The following AFG2B variants were observed in gnomAD, a reference collection of about 807,000 sequenced individuals.
AFG2B encodes the protein ATPase family gene 2 protein homolog B.
chr15:45,417,316 A>T, the AFG2B span: 12 of 1,614,118 alleles, frequency 7.4e-6, no homozygotes, highest in Non-Finnish European at 2.5e-6. Flanking sequence ...TGCAGCAACA[A>T]ATAGACCTGA....
At chr15:45,420,001 A>ACCCCCCC in the AFG2B span, among the ~76,000 whole-genome samples, 18 of 84,622 alleles carry the variant, frequency 2.1e-4, no homozygotes, top group Non-Finnish European at 3.0e-4. Context: ...CCCCCCCAAA[A>ACCCCCCC]AAAAAAAAAA....
At chr15:45,419,029 G>C in the AFG2B span, among the ~76,000 whole-genome samples, 2 of 152,192 alleles carry the variant, frequency 1.3e-5, no homozygotes, top group African/African-American at 4.8e-5. Context: ...GACAAATCGG[G>C]AGTTAGCCAG....
the AFG2B span, chr15:45,407,224 G>A: frequency 8.3e-7 from 1 of 1,203,130 alleles, no homozygotes; most frequent in East Asian, 5.8e-5. Flanking sequence ...AACTGGGAAG[G>A]TACTGGCTCC....
chr15:45,410,721 A>G, the AFG2B span, among the ~76,000 whole-genome samples: 2 of 152,082 alleles, frequency 1.3e-5, no homozygotes, highest in African/African-American at 4.8e-5. Context: ...GGTTTTTATA[A>G]TTTCCCACCT....
At chr15:45,412,426 CG>C in the AFG2B span, among the ~76,000 whole-genome samples, 1 of 151,728 alleles carries the variant, frequency 6.6e-6, no homozygotes, top group African/African-American at 2.4e-5. Context: ...TAATCTAAAA[CG>C]GGGGTCAACA....
At chr15:45,420,924 G>A in the AFG2B span, 25 of 944,586 alleles carry the variant, frequency 2.6e-5, no homozygotes, top group South Asian at 5.1e-5. Context: ...ACCAGAAGAC[G>A]GAGGTTGCAG....
chr15:45,405,931 TTC>T, the AFG2B span, among the ~76,000 whole-genome samples: 1 of 152,160 alleles, frequency 6.6e-6, no homozygotes, highest in African/African-American at 2.4e-5. Flanking sequence ...TGCTTTATCA[TTC>T]TCTCTTCATG....
chr15:45,402,595 T>C, the AFG2B span: 4 of 1,571,360 alleles, frequency 2.5e-6, no homozygotes, highest in African/African-American at 4.1e-5. Context: ...CGACGGCGGC[T>C]CCTGCCTCTG....
the AFG2B span, chr15:45,405,184 C>T: frequency 2.6e-6 from 2 of 772,908 alleles, no homozygotes; most frequent in East Asian, 2.7e-5. Flanking sequence ...TGTCTTCATC[C>T]CCTCACCCCC....
At chr15:45,420,576 A>C in the AFG2B span, among the ~76,000 whole-genome samples, 1 of 152,138 alleles carries the variant, frequency 6.6e-6, no homozygotes, top group Non-Finnish European at 1.5e-5. Flanking sequence ...TGCAAAGTGG[A>C]TTTCTAATCA....
chr15:45,415,953 T>A, the AFG2B span: 1 of 532,604 alleles, frequency 1.9e-6, no homozygotes, highest in Non-Finnish European at 3.1e-6. Flanking sequence ...TTAGAGCTAA[T>A]AAAAATTGTG....
the AFG2B span, chr15:45,403,284 C>T: frequency 2.5e-6 from 4 of 1,588,020 alleles, no homozygotes; most frequent in African/African-American, 4.1e-5. Context: ...TGCGGCGGGT[C>T]TTCCAGCGCG....
the AFG2B span, chr15:45,417,102 TGG>T: frequency 1.4e-6 from 1 of 697,138 alleles, no homozygotes; most frequent in East Asian, 2.9e-5. Flanking sequence ...GATTTGTTTC[TGG>T]GATATCTTGA....
the AFG2B span, chr15:45,403,042 CT>C: frequency 6.4e-7 from 1 of 1,564,720 alleles, no homozygotes. Context: ...CCTGGGAGGT[CT>C]TTCGGAGGCG....
chr15:45,405,499 T>A, the AFG2B span: 1 of 1,612,950 alleles, frequency 6.2e-7, no homozygotes, highest in Non-Finnish European at 8.5e-7. Flanking sequence ...TCCTTCATAG[T>A]GAGAAGGTAA....
At chr15:45,405,959 A>G in the AFG2B span, among the ~76,000 whole-genome samples, 1 of 152,076 alleles carries the variant, frequency 6.6e-6, no homozygotes, top group African/African-American at 2.4e-5. Flanking sequence ...TTCCTTATAT[A>G]TATACATATA....
chr15:45,417,173 C>T, the AFG2B span: 1 of 1,432,130 alleles, frequency 7.0e-7, no homozygotes, highest in Non-Finnish European at 9.5e-7. Flanking sequence ...AAAAGGATAT[C>T]CCTATTTGAA....
chr15:45,414,454 CTGTT>C, the AFG2B span: 26 of 885,756 alleles, frequency 2.9e-5, no homozygotes, highest in Non-Finnish European at 8.8e-6. Context: ...GGAGAATGGA[CTGTT>C]TCCAGCTCAT....
chr15:45,407,281 C>T, the AFG2B span: 1 of 1,158,466 alleles, frequency 8.6e-7, no homozygotes, highest in Admixed American at 3.9e-5. Context: ...TGCTACCTCT[C>T]CCTGTACCAG....
Sources: gnomAD v4.1 joint callset for allele counts (sites outside exome capture counted in the v4.1 genomes callset) on GRCh38, gnomAD v4.1.1 for gene constraint, MANE v1.5 for transcripts, NCBI Gene and HGNC (gene_info 2026-07-23, HGNC 2026-07-21) for gene names.